The following ABCB7 variants were observed in gnomAD, a reference collection of about 807,000 sequenced individuals.
ABCB7 encodes iron-sulfur clusters transporter ABCB7, mitochondrial.
A neutral mutation model predicts 54.4 loss-of-function variants in ABCB7; 7 were observed. That is an observed-to-expected ratio of 0.13 (90% CI 0.07 to 0.24). The LOEUF (loss-of-function observed/expected upper bound fraction) is 0.24. ABCB7 is among the 10% of genes least tolerant of loss of function. The pLI is 1.00. For missense variants in ABCB7, 356 were observed against 570.4 expected (o/e 0.62, Z 3.83); for synonymous variants, 218 against 207.1 (o/e 1.05, Z -0.45).
chrX:75,126,553 T>A lies in ABCB7; in HGVS notation c.169-11722A>T, dbSNP rs181203154. Among the ~76,000 whole-genome samples the A allele has an allele frequency of 2.1e-3, 220 of 107,267 alleles. No individual in the cohort carries two copies. The South Asian group carries it at 0.024, about 11-fold the overall frequency. The allele number at this position is 107,267 out of a possible 115,157, so 93.1% of individuals were successfully genotyped here. On this transcript the variant is annotated intron_variant, in intron 1 of 15. Transcript: ENST00000373394. ...AGCAGAAGACAAGAAATAATTAAGA[T>A]CAGAGCAGAACTGAAGGAGATAGAG...
chrX:75,053,726 T>C, intron 15 of ABCB7, 141 bp from the exon 16 acceptor site: 2 of 972,963 alleles, frequency 2.1e-6, no homozygotes, highest in Non-Finnish European at 2.7e-6. Context: ...ATACACAGTA[T>C]AAGTGAAAAA....
chrX:75,089,466 A>G (rs1253239609), intron 4 of ABCB7, among the ~76,000 whole-genome samples: 2 of 110,897 alleles, frequency 1.8e-5, no homozygotes, highest in Non-Finnish European at 3.8e-5. Flanking sequence ...TGAAGCAGTA[A>G]TAGTGTCATA....
chrX:75,110,097 G>A (rs910103493), intron 3 of ABCB7, among the ~76,000 whole-genome samples: 3 of 111,825 alleles, frequency 2.7e-5, no homozygotes, highest in Non-Finnish European at 5.6e-5. Flanking sequence ...TGGTCTGAAA[G>A]TTCAATGAAG....
intron 14 of ABCB7, among the ~76,000 whole-genome samples, chrX:75,061,790 T>C (rs2081284008): frequency 8.9e-6 from 1 of 112,337 alleles, no homozygotes; most frequent in Non-Finnish European, 1.9e-5. Context: ...GGCAATGTCA[T>C]TGACATCAGT....
At chrX:75,076,787 C>T in intron 4 of ABCB7, 133 bp from the exon 5 acceptor site, 1 of 762,702 alleles carries the variant, frequency 1.3e-6, no homozygotes, top group Non-Finnish European at 1.9e-6. Flanking sequence ...AGTGATTTTC[C>T]CCATTCATAA....
At chrX:75,088,472 CA>C (rs1020722556) in intron 4 of ABCB7, among the ~76,000 whole-genome samples, 12 of 111,607 alleles carry the variant, frequency 1.1e-4, no homozygotes, top group African/African-American at 3.9e-4. Context: ...AAGAAAGAAT[CA>C]AAAGGTTGTA....
intron 3 of ABCB7, among the ~76,000 whole-genome samples, chrX:75,108,376 GGCAGTA>G (rs775591025): frequency 1.8e-5 from 2 of 111,571 alleles, no homozygotes; most frequent in Admixed American, 1.9e-4. Context: ...ACCAAACATA[GGCAGTA>G]GCCAGGGAGT....
At chrX:75,104,047 GTTTTTTTTTTTTTTTTTT>G (rs757074347) in intron 3 of ABCB7, among the ~76,000 whole-genome samples, 210 of 13,442 alleles carry the variant, frequency 0.016, 3 homozygotes, top group South Asian at 0.12. Context: ...TCTTGTTACA[GTTTTTTTTTTTTTTTTTT>G]TTTTTTTTTT....
At position 75,138,250 on chromosome X, in the gene ABCB7, ACACACACG is replaced by A. The variant is rs1350347832; in HGVS notation, c.168+17847_168+17854del. Among the ~76,000 whole-genome samples the A allele has an allele frequency of 1.9e-4, 20 of 105,298 alleles. No homozygotes were observed. The East Asian group carries it at 9.0e-3, about 47-fold the overall frequency. The allele number at this position is 105,298 out of a possible 115,157, so 91.4% of individuals were successfully genotyped here. The stretch of plus-strand genomic sequence containing the variant: ...CACACACACACACACACACACACAC[ACACACACG>A]TGTTCCAACAGAAGAAAAAAAGTAT... On this transcript the variant is annotated intron_variant, in intron 1 of 15. Transcript: ENST00000373394.
chrX:75,114,843 G>GA lies in ABCB7; in HGVS notation c.169-13dup. ...AATGACTCTGGAATCTGCTGACAAG[G>GA]AAAAAAAGTAGGGGGAAGTTTCAGA... is the stretch of plus-strand genomic sequence containing the variant. On this transcript the variant is annotated splice_polypyrimidine_tract_variant and intron_variant, in intron 1 of 15. Transcript: ENST00000373394. 1 of 1,180,304 alleles carries GA rather than the reference G, an allele frequency of 8.5e-7. No individual in the cohort carries two copies. The highest frequency in any genetic ancestry group is 1.1e-6 in the Non-Finnish European group (1 of 872,181).
intron 4 of ABCB7, among the ~76,000 whole-genome samples, chrX:75,094,019 CATAT>C (rs199523853): frequency 6.5e-5 from 3 of 46,029 alleles, no homozygotes; most frequent in African/African-American, 1.9e-4. Flanking sequence ...CTGTTATATA[CATAT>C]ATATATATAT....
chrX:75,144,009 C>T (rs2082073194), intron 1 of ABCB7, among the ~76,000 whole-genome samples: 1 of 111,598 alleles, frequency 9.0e-6, no homozygotes, highest in South Asian at 3.8e-4. Context: ...CACTCTCCTG[C>T]TTCAAAGCCC....
chrX:75,067,563 C>G (rs754356616), intron 12 of ABCB7, among the ~76,000 whole-genome samples: 4 of 110,920 alleles, frequency 3.6e-5, no homozygotes, highest in Non-Finnish European at 5.7e-5. Flanking sequence ...CGGCTCACTG[C>G]AACCTCCGCC....
intron 15 of ABCB7, among the ~76,000 whole-genome samples, chrX:75,055,553 C>CAAAA (rs59851777): frequency 1.8e-4 from 4 of 21,735 alleles, no homozygotes; most frequent in Non-Finnish European, 2.2e-4. Context: ...CCATCTCTAC[C>CAAAA]AAAAAAAAAA....
intron 4 of ABCB7, among the ~76,000 whole-genome samples, chrX:75,078,586 T>A (rs4892538): frequency 0.032 from 3,496 of 110,818 alleles, 276 homozygotes; most frequent in East Asian, 0.31. Context: ...TGGTGAAAGG[T>A]AGGTACCTTT....
At chrX:75,093,438 T>C (rs1198477982) in intron 4 of ABCB7, among the ~76,000 whole-genome samples, 1 of 111,243 alleles carries the variant, frequency 9.0e-6, no homozygotes, top group Non-Finnish European at 1.9e-5. Context: ...GATGAGTAGA[T>C]GGATCACATG....
Position 75,055,540 on chromosome X carries a change from C to G in ABCB7, c.2044-1955G>C, listed in dbSNP as rs763079353. The stretch of plus-strand genomic sequence containing the variant: ...TGGGCAACATGATGAGACACCCCCC[C>G]GCCCATCTCTACCAAAAAAAAAAAA... On this transcript the variant is annotated intron_variant, in intron 15 of 15. Coordinates refer to ENST00000373394, the MANE Select transcript of ABCB7 (RefSeq NM_001271696.3). 1.3e-4 allele frequency among the ~76,000 whole-genome samples: 12 copies of G among 88,939 alleles called. No homozygotes were observed. In the South Asian group the frequency reaches 6.9e-3, roughly 51 times the overall value. The allele number at this position is 88,939 out of a possible 115,157, so 77.2% of individuals were successfully genotyped here. A position where few individuals can be genotyped will look rare whatever the true frequency, so the allele number is the denominator to read the frequency against.
chrX:75,132,584 G>A (rs1217337881), intron 1 of ABCB7, among the ~76,000 whole-genome samples: 1 of 112,368 alleles, frequency 8.9e-6, no homozygotes, highest in Non-Finnish European at 1.9e-5. Flanking sequence ...ACTCCAGTGG[G>A]AGAGGAGCCC....
intron 1 of ABCB7, among the ~76,000 whole-genome samples, chrX:75,148,908 ACAGT>A (rs1025373984): frequency 7.1e-5 from 8 of 111,917 alleles, no homozygotes; most frequent in African/African-American, 2.6e-4. Flanking sequence ...TTAAGTCACT[ACAGT>A]CAGAGTAGTT....
Sources: allele counts gnomAD v4.1 joint callset (sites outside exome capture counted in the v4.1 genomes callset), GRCh38; gene constraint gnomAD v4.1.1; transcripts MANE v1.5; gene names NCBI Gene and HGNC (gene_info 2026-07-23, HGNC 2026-07-21).